CIITA: variants seen among roughly 807,000 people sequenced by gnomAD.
CIITA encodes MHC class II transactivator.
In CIITA, 72 loss-of-function variants were observed where a neutral mutation model predicts 115.1. The ratio of observed to expected loss-of-function variants is 0.63; its 90% CI spans 0.52 to 0.76. The LOEUF (loss-of-function observed/expected upper bound fraction) is 0.76. Ranked by LOEUF, CIITA falls within the 30% of genes least tolerant of loss-of-function variation. The pLI, the probability that CIITA is intolerant of heterozygous loss-of-function variation, is 0.00. For synonymous variants in CIITA, 763 were observed against 635.6 expected (o/e 1.20, Z -3.02); for missense variants, 1,617 against 1,463.8 (o/e 1.10, Z -1.71).
chr16:10,910,502 C>G (rs1418605963), intron 13 of CIITA, among the ~76,000 whole-genome samples: 1 of 152,202 alleles, frequency 6.6e-6, no homozygotes, highest in Non-Finnish European at 1.5e-5. Flanking sequence ...ACTCATTCAA[C>G]AGAGGTATTG....
At position 10,906,558 on chromosome 16, in the gene CIITA, C is replaced by A. The variant is rs374576307; in HGVS notation, c.1066C>A (p.Pro356Thr). The part of the protein sequence containing the change: ...QDTYGAEPAG[P>T]DGILVEVDLV... ...CACGTATGGTGCCGAGCCCGCAGGC[C>A]CGGATGGCATCCTAGTGGAGGTGGA... Residue 356 changes from proline (P) to threonine (T), a missense_variant, in exon 11 of 20, where the codon CCG becomes ACG. Transcript: ENST00000324288. The A allele has an allele frequency of 6.2e-7, 1 of 1,613,008 alleles. No homozygotes were observed. Among genetic ancestry groups the A allele is most frequent in the Non-Finnish European group, 8.5e-7 (1 of 1,180,026 alleles).
intron 7 of CIITA, 29 bp downstream of exon 7, chr16:10,902,213 C>G: frequency 6.2e-7 from 1 of 1,613,554 alleles, no homozygotes; most frequent in South Asian, 1.1e-5. Flanking sequence ...AGAGAGTGGG[C>G]TTTCTCCCTC....
chr16:10,906,555 G>T lies in CIITA; in HGVS notation c.1063G>T (p.Gly355Cys). ...LQDTYGAEPAGPDGILVEVDL... is the reference protein window; with the variant it reads ...LQDTYGAEPACPDGILVEVDL... Reference sequence around the variant, plus strand: ...GGACACGTATGGTGCCGAGCCCGCAGGCCCGGATGGCATCCTAGTGGAGGT... The same window carrying T: ...GGACACGTATGGTGCCGAGCCCGCATGCCCGGATGGCATCCTAGTGGAGGT... Residue 355 changes from glycine to cysteine, a missense_variant, in exon 11 of 20, where the codon GGC becomes TGC. Gly to Cys is a radical substitution (Grantham distance 159, BLOSUM62 -3). Transcript: ENST00000324288. 6.2e-7 allele frequency: 1 copy of T among 1,613,078 alleles called. No homozygotes were observed. Among genetic ancestry groups the T allele is most frequent in the Non-Finnish European group, 8.5e-7 (1 of 1,180,018 alleles).
intron 1 of CIITA, among the ~76,000 whole-genome samples, chr16:10,881,079 G>T (rs1280395840): frequency 1.3e-5 from 2 of 152,120 alleles, no homozygotes; most frequent in Non-Finnish European, 2.9e-5. Context: ...TTCAAGACCA[G>T]CCTGGGCAAC....
In CIITA at chr16:10,879,855, G is replaced by A. The variant is rs1402171024; in HGVS notation, c.52+2473G>A. ...TTAGCTTAGTCTGGAACTCTTAAAA[G>A]CCGCGGTCCTCCTGAGTCCCACAGC... On this transcript the variant is annotated intron_variant, in intron 1 of 19. Transcript: ENST00000324288. This position sits in a 1 kb window ranked among gnomAD's most constrained non-coding sequence, Gnocchi z 4.3. Among the ~76,000 whole-genome samples, 3 of 152,150 alleles carry A rather than the reference G, an allele frequency of 2.0e-5. No individual in the cohort carries two copies. Among genetic ancestry groups the A allele is most frequent in the Non-Finnish European group, 4.4e-5 (3 of 68,032 alleles).
At chr16:10,911,119 G>A (rs1406538550) in intron 13 of CIITA, among the ~76,000 whole-genome samples, 2 of 152,154 alleles carry the variant, frequency 1.3e-5, no homozygotes, top group Non-Finnish European at 2.9e-5. Flanking sequence ...TCACTGAGGA[G>A]GGGCAGCCCA....
Position 10,935,075 on chromosome 16 carries a change from C to T in CIITA, c.*11220C>T, listed in dbSNP as rs2040973265. Reference sequence around the variant, plus strand: ...ATTCACTATCCCAATCTAATTTGCACAAGCCCTTAGGCAGGTGCTACTATT... The same window carrying T: ...ATTCACTATCCCAATCTAATTTGCATAAGCCCTTAGGCAGGTGCTACTATT... On this transcript the variant is annotated 3_prime_UTR_variant, in exon 20 of 20. Transcript: ENST00000324288. 1 of 152,266 alleles carries T rather than the reference C, an allele frequency of 6.6e-6. No individual in the cohort carries two copies. The highest frequency in any genetic ancestry group is 1.5e-5 in the Non-Finnish European group (1 of 68,042). 9.4% of individuals were successfully genotyped at this position (152,266 alleles called of 1,614,324 possible).
downstream of CIITA, chr16:10,941,109 C>G (rs1463371181): frequency 6.6e-6 from 1 of 152,326 alleles, no homozygotes; most frequent in Non-Finnish European, 1.5e-5. The surrounding 1 kb of genome is among the most constrained non-coding windows in gnomAD (Gnocchi z 6.4). Context: ...CCCAGCTACC[C>G]CAAGGGCCAC....
At position 10,908,134 on chromosome 16, in the gene CIITA, G is replaced by C; in HGVS notation, c.2642G>C (p.Cys881Ser). The C allele has an allele frequency of 6.4e-7, 1 of 1,570,742 alleles. No homozygotes were observed. Among genetic ancestry groups the C allele is most frequent in the Non-Finnish European group, 8.6e-7 (1 of 1,157,606 alleles). The change falls in exon 11 of 20, where the codon TGT becomes TCT. Residue 881 changes from cysteine to serine, a missense_variant. Cys to Ser is a moderately radical substitution (Grantham distance 112, BLOSUM62 -1). Coordinates refer to ENST00000324288, the MANE Select transcript of CIITA (RefSeq NM_000246.4). Reference protein sequence around the residue: ...SGLGSLVGLSCVTRFRAALSD... With the variant: ...SGLGSLVGLSSVTRFRAALSD... ...TTGGGGAGCCTCGTGGGACTCAGCT[G>C]TGTCACCCGTTTCAGGTGGGGTGAG... is the stretch of plus-strand genomic sequence containing the variant.
chr16:10,870,293 AT>A (rs1299350308), intron 1 of CIITA, among the ~76,000 whole-genome samples: 1 of 151,822 alleles, frequency 6.6e-6, no homozygotes, highest in Admixed American at 6.6e-5. Context: ...CAGCCTGATG[AT>A]TCAGAAGTCC....
Position 10,916,790 on chromosome 16 carries a change from C to G in CIITA, c.3062+331C>G, listed in dbSNP as rs570569604. On this transcript the variant is annotated intron_variant, in intron 15 of 19. Transcript: ENST00000324288. ...CACTTATGCAGTCATTTCTTTACTC[C>G]CTCATCCAACCGCTCACTCAATCAT... 20 of 426,818 alleles carry G rather than the reference C, an allele frequency of 4.7e-5. No homozygotes were observed. In the East Asian group the frequency reaches 7.7e-4, roughly 17 times the overall value. The allele number at this position is 426,818 out of a possible 1,614,324, so 26.4% of individuals were successfully genotyped here. A position where few individuals can be genotyped will look rare whatever the true frequency, so the allele number is the denominator to read the frequency against.
chr16:10,902,165 G>A lies in CIITA; in HGVS notation c.609G>A (p.Glu203=), dbSNP rs1484428049. 3 of 1,614,178 alleles carry A rather than the reference G, an allele frequency of 1.9e-6. No individual in the cohort carries two copies. Among genetic ancestry groups the A allele is most frequent in the African/African-American group, 1.3e-5 (1 of 75,060 alleles). The change falls in exon 7 of 20, where the codon GAG becomes GAA. Residue 203 remains glutamate (E), a synonymous_variant. Coordinates refer to ENST00000324288, the MANE Select transcript of CIITA (RefSeq NM_000246.4). ...QEPASGQMRL[E]KTDQIPMPFS... is the part of the protein sequence containing the mutation. ...CAGCCTCCGGCCAGATGCGCCTGGA[G>A]AAAACCGACCAGATTCCCAGTATGT...
rs763187082 is a variant in CIITA, at chr16:10,910,213, G to A, written c.2842G>A (p.Ala948Thr). 1 of 1,614,094 alleles carries A rather than the reference G, an allele frequency of 6.2e-7. No homozygotes were observed. ...QRTRSSSEDT[A>T]GELPAVRDLK... is the part of the protein sequence containing the mutation. Reference sequence around the variant, plus strand: ...GACGAGAAGTTCCTCGGAAGACACAGCTGGGGAGCTCCCTGCTGTTCGGGA... The same window carrying A: ...GACGAGAAGTTCCTCGGAAGACACAACTGGGGAGCTCCCTGCTGTTCGGGA... The change falls in exon 13 of 20, where the codon GCT (alanine) becomes ACT (threonine). Residue 948 changes from alanine to threonine, a missense_variant. Physicochemically the swap from Ala to Thr is moderately conservative, Grantham distance 58. Coordinates refer to ENST00000324288, the MANE Select transcript of CIITA (RefSeq NM_000246.4).
At chr16:10,894,285 T>C (rs551028005) in intron 1 of CIITA, among the ~76,000 whole-genome samples, 2 of 152,360 alleles carry the variant, frequency 1.3e-5, no homozygotes, top group African/African-American at 4.8e-5. Flanking sequence ...TTCCAGCATG[T>C]ATCAGTGCTT....
At position 10,910,277 on chromosome 16, in the gene CIITA, T is replaced by C. The variant is rs775874207; in HGVS notation, c.2888+18T>C. On this transcript the variant is annotated intron_variant, in intron 13 of 19. Transcript: ENST00000324288. ...GAGTTTGCGTAAGCAAAGGGGTGGA[T>C]TGTCTTGTGGGTCTGCGCAAGGTTT... 14 of 1,611,514 alleles carry C rather than the reference T, an allele frequency of 8.7e-6. No homozygotes were observed. Among genetic ancestry groups the C allele is most frequent in the South Asian group, 3.3e-5 (3 of 90,806 alleles).
intron 1 of CIITA, among the ~76,000 whole-genome samples, chr16:10,870,169 CAAAAAAAAAAAA>C (rs34256366): frequency 0.015 from 697 of 46,312 alleles, 19 homozygotes; most frequent in African/African-American, 0.052. Context: ...GTACTTCCTG[CAAAAAAAAAAAA>C]AAAAAAAAAA....
At position 10,929,386 on chromosome 16, in the gene CIITA, A is replaced by G; in HGVS notation, c.*5531A>G. 4 of 985,932 alleles carry G rather than the reference A, an allele frequency of 4.1e-6. No individual in the cohort carries two copies. The highest frequency in any genetic ancestry group is 4.8e-6 in the Non-Finnish European group (4 of 829,956). The allele number at this position is 985,932 out of a possible 1,614,324, so 61.1% of individuals were successfully genotyped here. A position where few individuals can be genotyped will look rare whatever the true frequency, so the allele number is the denominator to read the frequency against. On this transcript the variant is annotated 3_prime_UTR_variant, in exon 20 of 20. Transcript: ENST00000324288. This position sits in a 1 kb window ranked among gnomAD's most constrained non-coding sequence, Gnocchi z 4.3. ...CTGCAAATAATCAGAAGCCAAGGCC[A>G]GGCCATCGATTTGACACTGCAGGCA...
At chr16:10,919,114 C>G (rs143565929) in intron 16 of CIITA, among the ~76,000 whole-genome samples, 63 of 152,346 alleles carry the variant, frequency 4.1e-4, no homozygotes, top group African/African-American at 1.5e-3. Context: ...CGCCAGAGCT[C>G]TTCACTTACT....
At chr16:10,883,397 C>T (rs1211603536) in intron 1 of CIITA, among the ~76,000 whole-genome samples, 1 of 152,226 alleles carries the variant, frequency 6.6e-6, no homozygotes, top group African/African-American at 2.4e-5. Context: ...CGAAGGTCTC[C>T]TGGCTGCAGC....
Sources: gnomAD v4.1 joint callset for allele counts (sites outside exome capture counted in the v4.1 genomes callset) on GRCh38, gnomAD v4.1.1 for gene constraint, Gnocchi (gnomAD v3.1) non-coding constraint, MANE v1.5 for transcripts, NCBI Gene and HGNC (gene_info 2026-07-23, HGNC 2026-07-21) for gene names.